The following UACA variants were observed in gnomAD, a reference collection of about 807,000 sequenced individuals.
The protein encoded by UACA is nuclear membrane binding protein.
A neutral mutation model predicts 160.5 loss-of-function variants in UACA; 112 were observed. That is an observed-to-expected ratio of 0.70 (90% CI 0.60 to 0.82). UACA has a LOEUF of 0.82. UACA is among the 40% of genes least tolerant of loss of function. UACA has a pLI of 0.00. For missense variants in UACA, 1,574 were observed against 1,614.6 expected (o/e 0.97, Z 0.43); for synonymous variants, 557 against 568.4 (o/e 0.98, Z 0.29).
chr15:70,736,014 G>GT lies in UACA; in HGVS notation c.78+27315dup, dbSNP rs35463631. 5.3e-5 allele frequency among the ~76,000 whole-genome samples: 8 copies of GT among 151,800 alleles called. 1 individual carries two copies. In the South Asian group the frequency reaches 8.3e-4, roughly 16 times the overall value. On this transcript the variant is annotated intron_variant, in intron 1 of 18. Transcript: ENST00000322954. ...TTTAAAAAAGAAATGAATAACAAAG[G>GT]TTTTTTTTATACTTTTGTAATTTCA...
At chr15:70,659,699 C>T (rs1408867397) in intron 18 of UACA, among the ~76,000 whole-genome samples, 1 of 151,966 alleles carries the variant, frequency 6.6e-6, no homozygotes, top group Non-Finnish European at 1.5e-5. Flanking sequence ...CTTGGCTTTA[C>T]CAAGCCAAGT....
the UACA span, among the ~76,000 whole-genome samples, chr15:70,768,562 G>A: frequency 6.6e-6 from 1 of 152,142 alleles, no homozygotes; most frequent in Non-Finnish European, 1.5e-5. Flanking sequence ...TGATGGCCCT[G>A]AGTGCTTATG....
intron 1 of UACA, among the ~76,000 whole-genome samples, chr15:70,756,080 G>C (rs1338692331): frequency 1.3e-5 from 2 of 152,094 alleles, no homozygotes; most frequent in South Asian, 2.1e-4. Context: ...GCTGTGACTA[G>C]CTCTTTCTAA....
intron 1 of UACA, among the ~76,000 whole-genome samples, chr15:70,746,502 T>C (rs1396172775): frequency 6.6e-6 from 1 of 152,248 alleles, no homozygotes; most frequent in South Asian, 2.1e-4. Context: ...GGAGAGGACA[T>C]GGAGAAATAG....
chr15:70,747,505 G>A (rs1343340919), intron 1 of UACA, among the ~76,000 whole-genome samples: 1 of 151,996 alleles, frequency 6.6e-6, no homozygotes, highest in Non-Finnish European at 1.5e-5. Context: ...AAGTAGCGGG[G>A]ACTACAAACA....
intron 1 of UACA, among the ~76,000 whole-genome samples, chr15:70,746,288 G>GA (rs1483926975): frequency 1.3e-5 from 2 of 151,826 alleles, no homozygotes; most frequent in South Asian, 2.1e-4. Flanking sequence ...AAATTTACAA[G>GA]AAAAAAACAA....
At chr15:70,715,546 T>C (rs1005861206) in intron 1 of UACA, among the ~76,000 whole-genome samples, 12 of 152,178 alleles carry the variant, frequency 7.9e-5, no homozygotes, top group African/African-American at 2.7e-4. Context: ...AAATGGGAAT[T>C]ATAAGGTTAT....
rs182453366 is a variant in UACA, at chr15:70,693,866, G to A, written c.301+1151C>T. 5.3e-5 allele frequency among the ~76,000 whole-genome samples: 8 copies of A among 152,258 alleles called. No individual in the cohort carries two copies. The East Asian group carries it at 1.2e-3, about 22-fold the overall frequency. On this transcript the variant is annotated intron_variant, in intron 3 of 18. Transcript: ENST00000322954. ...AAAATAAATATTCTTCTACATCAATGGAAAGCATATATAAGCAATAAACAC... is the reference window on the plus strand; with the variant it reads ...AAAATAAATATTCTTCTACATCAATAGAAAGCATATATAAGCAATAAACAC...
upstream of UACA, among the ~76,000 whole-genome samples, chr15:70,766,647 T>C (rs2031014971): frequency 6.6e-6 from 1 of 152,224 alleles, no homozygotes; most frequent in South Asian, 2.1e-4. Context: ...GTGTAAGCTG[T>C]ATGCTAACAC....
chr15:70,668,626 T>A lies in UACA; in HGVS notation c.2058A>T (p.Glu686Asp), dbSNP rs761443025. The change falls in exon 16 of 19, where the codon GAA becomes GAT. Residue 686 changes from glutamate (E) to aspartate (D), a missense_variant. By Grantham distance (45) the Glu-to-Asp change is conservative (BLOSUM62 2). Transcript: ENST00000322954. ...CTAATCTGCTCTTAACCTGTTCATGTTCCTCTGGTTTGACGTGCTGAGCAA... is the reference window on the plus strand; with the variant it reads ...CTAATCTGCTCTTAACCTGTTCATGATCCTCTGGTTTGACGTGCTGAGCAA... ...AKLAQHVKPE[E>D]HEQVKSRLEQ... 1 of 1,614,044 alleles carries A rather than the reference T, an allele frequency of 6.2e-7. No homozygotes were observed. Among genetic ancestry groups the A allele is most frequent in the South Asian group, 1.1e-5 (1 of 91,084 alleles).
At chr15:70,683,529 C>T (rs531575404) in intron 8 of UACA, among the ~76,000 whole-genome samples, 4 of 152,138 alleles carry the variant, frequency 2.6e-5, no homozygotes, top group Non-Finnish European at 4.4e-5. Flanking sequence ...TGCATAAGGA[C>T]AGTCATAACC....
intron 1 of UACA, among the ~76,000 whole-genome samples, chr15:70,712,863 C>T (rs1898724270): frequency 1.3e-5 from 2 of 152,280 alleles, no homozygotes; most frequent in African/African-American, 2.4e-5. Context: ...AAAATTTCCA[C>T]ATAATAAACT....
chr15:70,702,693 A>T (rs1254077145), intron 1 of UACA, among the ~76,000 whole-genome samples: 4 of 152,338 alleles, frequency 2.6e-5, no homozygotes, highest in African/African-American at 9.6e-5. Flanking sequence ...ATTTTAATTT[A>T]AGGAAACGCA....
intron 1 of UACA, among the ~76,000 whole-genome samples, chr15:70,752,230 A>G (rs917209141): frequency 2.8e-5 from 3 of 107,620 alleles, no homozygotes; most frequent in African/African-American, 8.0e-5. Flanking sequence ...CGAGAGCAAA[A>G]CTCCATCAAA....
At chr15:70,700,242 C>A (rs185639889) in intron 1 of UACA, among the ~76,000 whole-genome samples, 3 of 148,934 alleles carry the variant, frequency 2.0e-5, no homozygotes, top group Non-Finnish European at 4.4e-5. Flanking sequence ...AACTACCCCC[C>A]CCCAACACAG....
intron 13 of UACA, among the ~76,000 whole-genome samples, chr15:70,672,271 AAGTG>A (rs1041831687): frequency 6.6e-6 from 1 of 152,204 alleles, no homozygotes; most frequent in Non-Finnish European, 1.5e-5. Context: ...AGAAAAAAAA[AAGTG>A]AGCCCTAAAT....
the UACA span, among the ~76,000 whole-genome samples, chr15:70,778,206 A>C: frequency 6.6e-6 from 1 of 152,204 alleles, no homozygotes; most frequent in Non-Finnish European, 1.5e-5. Flanking sequence ...GTCTCAAAAA[A>C]AAAAAAAAAT....
intron 1 of UACA, among the ~76,000 whole-genome samples, chr15:70,736,383 A>T (rs1899366817): frequency 6.6e-6 from 1 of 152,158 alleles, no homozygotes; most frequent in African/African-American, 2.4e-5. Context: ...ATACTACACA[A>T]TTGGGATAAA....
chr15:70,688,946 G>C (rs574663749), intron 5 of UACA, among the ~76,000 whole-genome samples: 365 of 152,298 alleles, frequency 2.4e-3, no homozygotes, highest in Non-Finnish European at 4.0e-3. Flanking sequence ...TTCTACTATA[G>C]AGTAGGTTTC....
Sources: gnomAD v4.1 joint callset for allele counts (sites outside exome capture counted in the v4.1 genomes callset) on GRCh38, gnomAD v4.1.1 for gene constraint, MANE v1.5 for transcripts, NCBI Gene and HGNC (gene_info 2026-07-23, HGNC 2026-07-21) for gene names.